Variants in PLPPR5 observed in about 807,000 individuals in gnomAD.
PLPPR5 encodes the protein phospholipid phosphatase-related protein type 5.
PLPPR5 carries 16 observed loss-of-function variants against 33.9 expected under a neutral mutation model. That is an observed-to-expected ratio of 0.47 (90% CI 0.32 to 0.72). The LOEUF (loss-of-function observed/expected upper bound fraction) is 0.72. Among genes scored for constraint, PLPPR5 ranks in the 30% least tolerant of loss-of-function variants. PLPPR5 has a pLI of 0.03. For missense variants in PLPPR5, 301 were observed against 406.7 expected (o/e 0.74, Z 2.23); for synonymous variants, 163 against 150.3 (o/e 1.08, Z -0.62).
At chr1:98,957,034 T>C (rs1019545427) in intron 1 of PLPPR5, among the ~76,000 whole-genome samples, 1 of 151,798 alleles carries the variant, frequency 6.6e-6, no homozygotes, top group Non-Finnish European at 1.5e-5. Context: ...ATGTCCTTTG[T>C]AGGGACATGG....
intron 5 of PLPPR5, among the ~76,000 whole-genome samples, chr1:98,914,117 G>A (rs939223095): frequency 6.6e-6 from 1 of 152,170 alleles, no homozygotes; most frequent in Non-Finnish European, 1.5e-5. Context: ...ATGGAGCATG[G>A]AAGATGTGGA....
intron 5 of PLPPR5, among the ~76,000 whole-genome samples, chr1:98,906,331 A>C (rs1424043549): frequency 1.3e-5 from 2 of 151,690 alleles, no homozygotes; most frequent in Admixed American, 6.6e-5. Context: ...CAAAAGGCTC[A>C]GTGGCTTCCA....
At chr1:98,969,147 G>A (rs189180845) in intron 1 of PLPPR5, among the ~76,000 whole-genome samples, 5 of 152,102 alleles carry the variant, frequency 3.3e-5, no homozygotes, top group Admixed American at 2.0e-4. Context: ...TAAATATCTG[G>A]TAGAGCTAGC....
Position 98,892,463 on chromosome 1 carries a change from T to C in PLPPR5, c.*609A>G, listed in dbSNP as rs1189801826. ...GCAGAAGCACCAGTCTTAGAATGTATAGTATGAATAGTATTTTAAGTGAAA... is the reference window on the plus strand; with the variant it reads ...GCAGAAGCACCAGTCTTAGAATGTACAGTATGAATAGTATTTTAAGTGAAA... On this transcript the variant is annotated 3_prime_UTR_variant, in exon 6 of 6. Transcript: ENST00000263177. 6.6e-6 allele frequency: 1 copy of C among 152,540 alleles called. No homozygotes were observed. Among genetic ancestry groups the C allele is most frequent in the South Asian group, 2.1e-4 (1 of 4,828 alleles). The allele number at this position is 152,540 out of a possible 1,614,324, so 9.4% of individuals were successfully genotyped here.
intron 2 of PLPPR5, among the ~76,000 whole-genome samples, chr1:98,956,382 A>T (rs1421238856): frequency 6.6e-6 from 1 of 152,162 alleles, no homozygotes; most frequent in East Asian, 1.9e-4. Context: ...TTAGGGGAAC[A>T]GGTGGTGTTT....
At chr1:98,943,708 G>A (rs1650459404) in intron 3 of PLPPR5, among the ~76,000 whole-genome samples, 1 of 152,164 alleles carries the variant, frequency 6.6e-6, no homozygotes. Flanking sequence ...ATTGAAGGGA[G>A]GATAGTGAAG....
At chr1:98,963,539 G>A (rs1388395084) in intron 1 of PLPPR5, among the ~76,000 whole-genome samples, 2 of 152,182 alleles carry the variant, frequency 1.3e-5, no homozygotes, top group African/African-American at 2.4e-5. Flanking sequence ...GAGAGAGAGA[G>A]ATTGAACATG....
chr1:98,966,974 G>T (rs1023615041), intron 1 of PLPPR5, among the ~76,000 whole-genome samples: 4 of 152,204 alleles, frequency 2.6e-5, no homozygotes, highest in East Asian at 3.9e-4. Context: ...GGGGGTGGGG[G>T]TCTGGCCATC....
Position 98,956,590 on chromosome 1 carries a change from T to C in PLPPR5, c.370+19A>G. ...GACACTGTTTCAGAAATATTAAAAA[T>C]AATTTAATGAACACATACCAAGAAA... On this transcript the variant is annotated intron_variant, in intron 2 of 5. Coordinates refer to ENST00000263177, the MANE Select transcript of PLPPR5 (RefSeq NM_001037317.2). 6.4e-7 allele frequency: 1 copy of C among 1,554,568 alleles called. No homozygotes were observed. The highest frequency in any genetic ancestry group is 8.7e-7 in the Non-Finnish European group (1 of 1,155,996).
Position 98,906,888 on chromosome 1 carries a change from C to G in PLPPR5, c.933+7898G>C, listed in dbSNP as rs1419118781. Among the ~76,000 whole-genome samples the G allele has an allele frequency of 2.0e-5, 3 of 152,138 alleles. No homozygotes were observed. The East Asian group carries it at 5.8e-4, about 29-fold the overall frequency. On this transcript the variant is annotated intron_variant, in intron 5 of 5. Coordinates refer to ENST00000263177, the MANE Select transcript of PLPPR5 (RefSeq NM_001037317.2). ...CCCCATTTATCATCTTCTTCAGATA[C>G]AATGATTCATATGTTAGGTTTCTGT...
chr1:98,983,796 G>A (rs186126698), intron 1 of PLPPR5, among the ~76,000 whole-genome samples: 1 of 152,222 alleles, frequency 6.6e-6, no homozygotes, highest in East Asian at 1.9e-4. Flanking sequence ...GGTGTGAGAT[G>A]GGATAATCTC....
intron 3 of PLPPR5, among the ~76,000 whole-genome samples, chr1:98,947,445 T>G (rs1345109203): frequency 6.6e-6 from 1 of 152,234 alleles, no homozygotes; most frequent in Non-Finnish European, 1.5e-5. Context: ...AGGTCTTTAG[T>G]CATTTACTTA....
chr1:98,972,540 C>T (rs1226305967), intron 1 of PLPPR5, among the ~76,000 whole-genome samples: 2 of 151,970 alleles, frequency 1.3e-5, no homozygotes, highest in African/African-American at 4.8e-5. Context: ...ATTTATGATA[C>T]CATTAGAATA....
Position 98,893,052 on chromosome 1 carries a change from A to G in PLPPR5, c.*20T>C. 1.9e-6 allele frequency: 3 copies of G among 1,610,458 alleles called. No individual in the cohort carries two copies. In the African/African-American group the frequency reaches 4.0e-5, roughly 22 times the overall value. On this transcript the variant is annotated 3_prime_UTR_variant, in exon 6 of 6. Coordinates refer to ENST00000263177, the MANE Select transcript of PLPPR5 (RefSeq NM_001037317.2). The stretch of plus-strand genomic sequence containing the variant: ...AAAAGGGATGATGTCCAATGCAGTG[A>G]AAAACCATCTGCTTCGATATCATGT...
intron 1 of PLPPR5, among the ~76,000 whole-genome samples, chr1:98,960,698 T>C (rs1651213470): frequency 6.6e-6 from 1 of 152,204 alleles, no homozygotes; most frequent in Non-Finnish European, 1.5e-5. Flanking sequence ...TTTATTTGAC[T>C]GGTTTGGACA....
chr1:98,956,560 A>G (rs569876581), intron 2 of PLPPR5, 49 bp downstream of exon 2: 1 of 1,490,566 alleles, frequency 6.7e-7, no homozygotes, highest in East Asian at 2.6e-5. Context: ...TTTAGCTTAC[A>G]CATAGACACT....
intron 3 of PLPPR5, among the ~76,000 whole-genome samples, chr1:98,933,299 C>G: frequency 6.6e-6 from 1 of 151,576 alleles, no homozygotes; most frequent in South Asian, 2.1e-4. Flanking sequence ...CTGGCTAACA[C>G]GGTGAAACCC....
At position 98,933,666 on chromosome 1, in the gene PLPPR5, T is replaced by C. The variant is rs61784617; in HGVS notation, c.622-11608A>G. ...CTCCAATTATGGTGGCAGGAAGGCA[T>C]TTACATCTAGCTCCGAAACCTGAGA... On this transcript the variant is annotated intron_variant, in intron 3 of 5. Transcript: ENST00000263177. 2.6e-3 allele frequency among the ~76,000 whole-genome samples: 400 copies of C among 152,140 alleles called. 3 individuals carry two copies. The highest frequency in any genetic ancestry group is 0.014 in the Middle Eastern group (4 of 292).
At chr1:98,893,924 A>ATG (rs1361716210) in intron 5 of PLPPR5, among the ~76,000 whole-genome samples, 1 of 152,016 alleles carries the variant, frequency 6.6e-6, no homozygotes, top group Non-Finnish European at 1.5e-5. Flanking sequence ...TTTATAACAA[A>ATG]TGATATCATA....
Sources: gnomAD v4.1 joint callset for allele counts (sites outside exome capture counted in the v4.1 genomes callset) on GRCh38, gnomAD v4.1.1 for gene constraint, MANE v1.5 for transcripts, NCBI Gene and HGNC (gene_info 2026-07-23, HGNC 2026-07-21) for gene names.